LINC00632: variants seen among roughly 807,000 people sequenced by gnomAD.
LINC00632 encodes the protein ALDOA related specific transcript.
At chrX:140,753,424 G>A (rs889415612) in intron 3 of LINC00632, among the ~76,000 whole-genome samples, 1 of 111,196 alleles carries the variant, frequency 9.0e-6, no homozygotes, top group Non-Finnish European at 1.9e-5. Context: ...TAACCAATAG[G>A]GAAGTAACAG....
rs767892653 is a variant in LINC00632 at position 140,784,359 on chromosome X, C to T, written n.12378C>T. On this transcript the variant is annotated non_coding_transcript_exon_variant, in exon 5 of 5. Transcript: ENST00000648200. ...TTCCAGAAAATCCACGTCTTCCAAC[C>T]AAGCCATGTCTTCCAGAAAATCCAC... is the stretch of plus-strand genomic sequence containing the variant. The T allele has an allele frequency of 5.8e-6, 7 of 1,204,101 alleles. No individual in the cohort carries two copies. In the African/African-American group the frequency reaches 1.1e-4, roughly 18 times the overall value.
chrX:140,776,599 G>A (rs995290595), exon 5 of LINC00632, among the ~76,000 whole-genome samples: 1 of 112,471 alleles, frequency 8.9e-6, no homozygotes, highest in East Asian at 2.8e-4. Context: ...TCCGCCGCGC[G>A]TTAGGCCAGT....
intron 3 of LINC00632, among the ~76,000 whole-genome samples, chrX:140,764,923 A>G (rs1403893494): frequency 9.0e-6 from 1 of 110,683 alleles, no homozygotes; most frequent in African/African-American, 3.3e-5. Flanking sequence ...CCCTCACTCA[A>G]TCACCACGGT....
At chrX:140,749,767 C>T (rs942978411) in intron 3 of LINC00632, among the ~76,000 whole-genome samples, 1 of 110,895 alleles carries the variant, frequency 9.0e-6, no homozygotes, top group East Asian at 2.8e-4. Context: ...GCAGCCTTGA[C>T]CTCCTGGACT....
chrX:140,742,839 T>TAG (rs3084215), intron 3 of LINC00632, among the ~76,000 whole-genome samples: 2,793 of 46,839 alleles, frequency 0.06, 164 homozygotes, highest in African/African-American at 0.1. Context: ...TAGAAGGTGA[T>TAG]AGAGAGAGAG....
At chrX:140,715,468 G>T (rs773256564) in intron 2 of LINC00632, among the ~76,000 whole-genome samples, 1 of 110,394 alleles carries the variant, frequency 9.1e-6, no homozygotes, top group East Asian at 2.9e-4. Context: ...GGTGGCACAT[G>T]CTTGTAGTCC....
chrX:140,748,186 A>C (rs983265684), intron 3 of LINC00632, among the ~76,000 whole-genome samples: 7 of 111,920 alleles, frequency 6.3e-5, no homozygotes, highest in Non-Finnish European at 1.1e-4. Context: ...TATGCAGTTA[A>C]AGGGGCATTT....
intron 2 of LINC00632, among the ~76,000 whole-genome samples, chrX:140,731,404 T>G (rs1399864971): frequency 1.8e-5 from 2 of 111,757 alleles, no homozygotes; most frequent in Non-Finnish European, 3.8e-5. Context: ...ATTGAAATGC[T>G]CTGTGGTAGA....
intron 3 of LINC00632, among the ~76,000 whole-genome samples, chrX:140,768,586 ATATT>A (rs200198513): frequency 0.013 from 1,316 of 98,432 alleles, 29 homozygotes; most frequent in African/African-American, 0.046. Context: ...ACTATATTAT[ATATT>A]TATTATATAT....
At chrX:140,742,877 G>GAGAGAGAGGA (rs1209141726) in intron 3 of LINC00632, among the ~76,000 whole-genome samples, 12 of 94,424 alleles carry the variant, frequency 1.3e-4, no homozygotes, top group South Asian at 5.6e-4. Flanking sequence ...GAGAGAGAGA[G>GAGAGAGAGGA]AGGAAGGAAG....
chrX:140,775,232 G>T (rs1931856984), exon 5 of LINC00632, among the ~76,000 whole-genome samples: 1 of 111,829 alleles, frequency 8.9e-6, no homozygotes, highest in South Asian at 3.7e-4. Context: ...TGGTGATGGA[G>T]ACTTCATTCT....
At chrX:140,766,371 T>C (rs1270704003) in intron 3 of LINC00632, among the ~76,000 whole-genome samples, 1 of 112,400 alleles carries the variant, frequency 8.9e-6, no homozygotes, top group East Asian at 2.8e-4. Flanking sequence ...TGGATGTCTA[T>C]TTGGTTGTTA....
chrX:140,787,515 G>A (rs921289063), exon 5 of LINC00632, among the ~76,000 whole-genome samples: 1 of 111,553 alleles, frequency 9.0e-6, no homozygotes, highest in Non-Finnish European at 1.9e-5. Context: ...GTCATTCTAC[G>A]TGGTGTTCCT....
At chrX:140,772,014 C>G in intron 3 of LINC00632, 1 of 265,145 alleles carries the variant, frequency 3.8e-6, no homozygotes, top group East Asian at 5.4e-5. Context: ...AATTTATAAG[C>G]TACTCATTTA....
At chrX:140,751,520 G>A (rs1373654532) in intron 3 of LINC00632, among the ~76,000 whole-genome samples, 1 of 111,128 alleles carries the variant, frequency 9.0e-6, no homozygotes, top group Non-Finnish European at 1.9e-5. Context: ...ATCTGCCAGT[G>A]GGAAGAATAC....
Position 140,713,986 on chromosome X carries a change from A to G in LINC00632, n.104+2330A>G, listed in dbSNP as rs1409754478. 5 of 255,772 alleles carry G rather than the reference A, an allele frequency of 2.0e-5. No individual in the cohort carries two copies. The Admixed American group carries it at 2.6e-4, about 14-fold the overall frequency. 21.1% of individuals were successfully genotyped at this position (255,772 alleles called of 1,213,427 possible). On this transcript the variant is annotated intron_variant and non_coding_transcript_variant, in intron 2 of 4. Coordinates refer to ENST00000648200, the Ensembl canonical transcript of LINC00632. The stretch of plus-strand genomic sequence containing the variant: ...GACAAGCACACATACTCTCAAGGCC[A>G]GTAGACTCACCCCACAGCACACAGA...
At chrX:140,780,104 T>C (rs190301783) in exon 5 of LINC00632, among the ~76,000 whole-genome samples, 1 of 112,183 alleles carries the variant, frequency 8.9e-6, no homozygotes, top group Non-Finnish European at 1.9e-5. Context: ...TAAAATGCAG[T>C]CAAAATACCT....
At chrX:140,723,651 C>G (rs1602734840) in intron 2 of LINC00632, among the ~76,000 whole-genome samples, 1 of 66,138 alleles carries the variant, frequency 1.5e-5, no homozygotes, top group African/African-American at 7.6e-5. Flanking sequence ...ATTCCATACA[C>G]ACACACATTC....
chrX:140,775,380 A>C (rs183748855), exon 5 of LINC00632, among the ~76,000 whole-genome samples: 8 of 112,331 alleles, frequency 7.1e-5, no homozygotes, highest in Middle Eastern at 4.6e-3. Flanking sequence ...AGGAAAAAAA[A>C]CCACAAAGCC....
Sources: gnomAD v4.1 joint callset for allele counts (sites outside exome capture counted in the v4.1 genomes callset) on GRCh38, gnomAD v4.1.1 for gene constraint, MANE v1.5 for transcripts, NCBI Gene and HGNC (gene_info 2026-07-23, HGNC 2026-07-21) for gene names.